LRRC32: variants seen among roughly 807,000 people sequenced by gnomAD.
LRRC32 encodes leucine rich repeat containing 32.
A neutral mutation model predicts 15.0 loss-of-function variants in LRRC32; 5 were observed. The ratio of observed to expected loss-of-function variants is 0.33; its 90% CI spans 0.17 to 0.70. The LOEUF (loss-of-function observed/expected upper bound fraction) is 0.70, where lower values mean the gene tolerates loss of function less well. Ranked by LOEUF, LRRC32 falls within the 30% of genes least tolerant of loss-of-function variation. The pLI is 0.66. For synonymous variants in LRRC32, 391 were observed against 403.9 expected (o/e 0.97, Z 0.38); for missense variants, 803 against 854.2 (o/e 0.94, Z 0.75).
chr11:76,659,971 A>G lies in LRRC32; in HGVS notation c.1622T>C (p.Leu541Pro). 6.2e-7 allele frequency: 1 copy of G among 1,614,092 alleles called. No homozygotes were observed. Residue 541 changes from leucine to proline, a missense_variant, in exon 3 of 3, where the codon CTG becomes CCG. Coordinates refer to ENST00000260061, the MANE Select transcript of LRRC32 (RefSeq NM_001128922.2). ...GCTGAAGCTGTTGTTTCGCAGGTCC[A>G]GCACCTCCAGTGACACAGCCTGTGT... ...AWTQAVSLEV[L>P]DLRNNSFSLL...
In LRRC32 at chr11:76,660,158, G is replaced by T; in HGVS notation, c.1435C>A (p.Leu479Met). 1 of 1,602,706 alleles carries T rather than the reference G, an allele frequency of 6.2e-7. No homozygotes were observed. The highest frequency in any genetic ancestry group is 8.5e-7 in the Non-Finnish European group (1 of 1,174,818). Reference sequence around the variant, plus strand: ...CCCAAGGCCCCCGTGGCCACCTCCAGCCCAGGATTGGAAGAAAGGTCCAGC... The same window carrying T: ...CCCAAGGCCCCCGTGGCCACCTCCATCCCAGGATTGGAAGAAAGGTCCAGC... The part of the protein sequence containing the change: ...TELDLSSNPG[L>M]EVATGALGGL... The change falls in exon 3 of 3, where the codon CTG (leucine) becomes ATG (methionine). Residue 479 changes from leucine (L) to methionine (M), a missense_variant. Coordinates refer to ENST00000260061, the MANE Select transcript of LRRC32 (RefSeq NM_001128922.2).
intron 2 of LRRC32, among the ~76,000 whole-genome samples, chr11:76,664,960 G>A (rs1233600314): frequency 6.6e-6 from 1 of 152,236 alleles, no homozygotes; most frequent in Admixed American, 6.5e-5. Context: ...CCTGCCTCCT[G>A]AAGCAGCTGC....
Position 76,659,481 on chromosome 11 carries a change from T to C in LRRC32, c.*123A>G, listed in dbSNP as rs1050258783. 1.9e-6 allele frequency: 2 copies of C among 1,071,346 alleles called. No homozygotes were observed. The highest frequency in any genetic ancestry group is 2.6e-6 in the Non-Finnish European group (2 of 755,510). The allele number at this position is 1,071,346 out of a possible 1,614,324, so 66.4% of individuals were successfully genotyped here. On this transcript the variant is annotated 3_prime_UTR_variant, in exon 3 of 3. Transcript: ENST00000260061. ...ATGCAGCAGGCGGCAGAGAAAGGTG[T>C]CCTGGGCTGTAATTTGGAGACCAGA...
At chr11:76,664,971 C>T (rs1017396696) in intron 2 of LRRC32, among the ~76,000 whole-genome samples, 7 of 152,190 alleles carry the variant, frequency 4.6e-5, no homozygotes, top group African/African-American at 9.6e-5. Flanking sequence ...AAGCAGCTGC[C>T]GGTTCTGTGT....
In LRRC32 at chr11:76,665,002, A is replaced by G. The variant is rs557869183; in HGVS notation, c.84+869T>C. Among the ~76,000 whole-genome samples the G allele has an allele frequency of 2.6e-5, 4 of 152,332 alleles. No homozygotes were observed. In the East Asian group the frequency reaches 7.7e-4, roughly 29 times the overall value. On this transcript the variant is annotated intron_variant, in intron 2 of 2. Coordinates refer to ENST00000260061, the MANE Select transcript of LRRC32 (RefSeq NM_001128922.2). ...TGTGTCATAAGCTTCTTCGAGTCTC[A>G]GGTCCAAGAGGGGCTTCCGGAGGCC... is the stretch of plus-strand genomic sequence containing the variant.
intron 2 of LRRC32, chr11:76,662,874 C>G (rs916855276): frequency 1.3e-5 from 2 of 152,168 alleles, no homozygotes; most frequent in Non-Finnish European, 2.9e-5. Context: ...ACCTGTCCCC[C>G]ACCTCCCACC....
chr11:76,660,295 G>C lies in LRRC32; in HGVS notation c.1298C>G (p.Pro433Arg). The C allele has an allele frequency of 6.3e-7, 1 of 1,586,636 alleles. No homozygotes were observed. Among genetic ancestry groups the C allele is most frequent in the Non-Finnish European group, 8.6e-7 (1 of 1,168,628 alleles). Residue 433 changes from proline to arginine, a missense_variant, in exon 3 of 3, where the codon CCC (proline) becomes CGC (arginine). Transcript: ENST00000260061. ...SPCGGPDEPG[P>R]SGCVAFSGIT... is the part of the protein sequence containing the mutation. ...GCCGGAGAAGGCCACACAGCCGGAG[G>C]GGCCAGGCTCATCTGGCCCCCCACA... is the stretch of plus-strand genomic sequence containing the variant.
intron 1 of LRRC32, 100 bp from the exon 2 acceptor site, chr11:76,666,058 C>T (rs1251755611): frequency 2.9e-6 from 3 of 1,044,906 alleles, no homozygotes; most frequent in African/African-American, 1.6e-5. Flanking sequence ...CCTCAGGGAA[C>T]CCCAGAGCAC....
Position 76,661,135 on chromosome 11 carries a change from G to A in LRRC32, c.458C>T (p.Thr153Ile), listed in dbSNP as rs1398112260. The change falls in exon 3 of 3, where the codon ACC (threonine) becomes ATC (isoleucine). Residue 153 changes from threonine to isoleucine, a missense_variant. Physicochemically the swap from Thr to Ile is moderately conservative, Grantham distance 89 (BLOSUM62 -1). Transcript: ENST00000260061. ...CAGACTGTTCTCCGCCAGTGAGAGG[G>A]TATGCAGGCTGGGTGCCTCCCCCAG... The part of the protein sequence containing the change: ...RLLGEAPSLH[T>I]LSLAENSLTR... 1 of 1,613,980 alleles carries A rather than the reference G, an allele frequency of 6.2e-7. No homozygotes were observed. Among genetic ancestry groups the A allele is most frequent in the East Asian group, 2.2e-5 (1 of 44,878 alleles).
At position 76,660,930 on chromosome 11, in the gene LRRC32, C is replaced by G. The variant is rs1330389942; in HGVS notation, c.663G>C (p.Arg221=). 3 of 1,614,052 alleles carry G rather than the reference C, an allele frequency of 1.9e-6. No homozygotes were observed. Among genetic ancestry groups the G allele is most frequent in the Admixed American group, 1.7e-5 (1 of 60,004 alleles). Residue 221 remains arginine (R), a synonymous_variant, in exon 3 of 3, where the codon CGG becomes CGC. Transcript: ENST00000260061. ...TGCTGTTGCAGCTCAGGTCTAGCACCCGCAGCTGCTGGAGGCTGAAGTCGG... is the reference window on the plus strand; with the variant it reads ...TGCTGTTGCAGCTCAGGTCTAGCACGCGCAGCTGCTGGAGGCTGAAGTCGG... ...CISDFSLQQL[R]VLDLSCNSIE...
intron 2 of LRRC32, among the ~76,000 whole-genome samples, chr11:76,664,371 C>G (rs1022931757): frequency 6.6e-6 from 1 of 152,242 alleles, no homozygotes; most frequent in South Asian, 2.1e-4. Context: ...CCTCCTTCAG[C>G]TCTGAGCTCC....
At chr11:76,662,280 CTG>C (rs1455971983) in intron 2 of LRRC32, among the ~76,000 whole-genome samples, 3 of 152,174 alleles carry the variant, frequency 2.0e-5, no homozygotes, top group African/African-American at 4.8e-5. Context: ...GGTGATGAGA[CTG>C]TGTTTGTGCT....
rs769278651 is a variant in LRRC32 at position 76,659,642 on chromosome 11, C to T, written c.1951G>A (p.Val651Ile). 22 of 1,613,992 alleles carry T rather than the reference C, an allele frequency of 1.4e-5. No individual in the cohort carries two copies. Among genetic ancestry groups the T allele is most frequent in the Middle Eastern group, 1.6e-4 (1 of 6,084 alleles). The part of the protein sequence containing the change: ...LLTTLAACCC[V>I]RRQKFNQQYK... ...TGTTGGTTAAACTTCTGCCGGCGGA[C>T]GCAGCAGCAGGCGGCCAGCGTGGTG... Residue 651 changes from valine to isoleucine, a missense_variant, in exon 3 of 3, where the codon GTC becomes ATC. Physicochemically the swap from Val to Ile is conservative, Grantham distance 29. Transcript: ENST00000260061.
intron 2 of LRRC32, among the ~76,000 whole-genome samples, chr11:76,664,444 G>T (rs987984508): frequency 2.6e-5 from 4 of 152,186 alleles, no homozygotes; most frequent in African/African-American, 9.7e-5. Flanking sequence ...AGAGTTTAGA[G>T]CTCCCACCCA....
chr11:76,665,843 C>T (rs1952617036), intron 2 of LRRC32, 28 bp downstream of exon 2: 14 of 1,613,670 alleles, frequency 8.7e-6, no homozygotes, highest in Non-Finnish European at 1.1e-5. Flanking sequence ...GGGGGTGGTC[C>T]TCACCCTGTC....
intron 1 of LRRC32, among the ~76,000 whole-genome samples, chr11:76,669,345 A>ATG (rs112355864): frequency 0.16 from 19,185 of 122,898 alleles, 1,406 homozygotes; most frequent in Non-Finnish European, 0.17. Flanking sequence ...GTGCCAAAGA[A>ATG]TGTGTGTGTG....
At chr11:76,665,771 C>A in intron 2 of LRRC32, 100 bp downstream of exon 2, 1 of 1,559,100 alleles carries the variant, frequency 6.4e-7, no homozygotes, top group Non-Finnish European at 8.8e-7. Flanking sequence ...CTTTCCTCTC[C>A]TGACTCTTCT....
chr11:76,662,335 G>C (rs546234104), intron 2 of LRRC32, among the ~76,000 whole-genome samples: 2 of 152,110 alleles, frequency 1.3e-5, no homozygotes, highest in African/African-American at 2.4e-5. Flanking sequence ...GTTTTCTTAC[G>C]TTCTTCCCCA....
intron 2 of LRRC32, among the ~76,000 whole-genome samples, chr11:76,664,399 C>T (rs979778831): frequency 1.8e-4 from 27 of 152,230 alleles, no homozygotes; most frequent in African/African-American, 6.5e-4. Context: ...GCCTGACTTA[C>T]CGTCGGAGGG....
Sources: gnomAD v4.1 joint callset for allele counts (sites outside exome capture counted in the v4.1 genomes callset) on GRCh38, gnomAD v4.1.1 for gene constraint, MANE v1.5 for transcripts, NCBI Gene and HGNC (gene_info 2026-07-23, HGNC 2026-07-21) for gene names.